FHIT: variants seen among roughly 807,000 people sequenced by gnomAD.
FHIT encodes bis(5'-adenosyl)-triphosphatase.
A neutral mutation model predicts 17.9 loss-of-function variants in FHIT; 19 were observed. The observed-to-expected ratio is 1.06, with a 90% CI of 0.74 to 1.56. The LOEUF (loss-of-function observed/expected upper bound fraction) is 1.56, where lower values mean the gene tolerates loss of function less well. FHIT is among the 40% of genes most tolerant of loss of function. FHIT has a pLI of 0.00. For synonymous variants in FHIT, 81 were observed against 69.7 expected, an observed-to-expected ratio of 1.16 and a Z score of -0.81; for missense variants, 248 against 189.2, an observed-to-expected ratio of 1.31 and a Z score of -1.82.
At chr3:60,050,453 T>C (rs1391045817) in intron 5 of FHIT, among the ~76,000 whole-genome samples, 1 of 152,188 alleles carries the variant, frequency 6.6e-6, no homozygotes, top group Non-Finnish European at 1.5e-5. Flanking sequence ...GAGCAGCAGA[T>C]GGTTGCCAAC....
intron 5 of FHIT, among the ~76,000 whole-genome samples, chr3:60,019,432 T>TTTTTTTTTTTTTTTTTTTTTTTC (rs1700469953): frequency 6.7e-6 from 1 of 149,458 alleles, no homozygotes; most frequent in Non-Finnish European, 1.5e-5. Flanking sequence ...TTTTTTTTTT[T>TTTTTTTTTTTTTTTTTTTTTTTC]CCTGAGATGG....
At chr3:60,565,164 G>T (rs565263379) in intron 4 of FHIT, among the ~76,000 whole-genome samples, 18 of 152,074 alleles carry the variant, frequency 1.2e-4, no homozygotes, top group Non-Finnish European at 2.4e-4. Context: ...TAATGATATT[G>T]CATACTTAAT....
intron 8 of FHIT, among the ~76,000 whole-genome samples, chr3:59,886,952 A>T (rs757035666): frequency 1.2e-4 from 18 of 152,160 alleles, no homozygotes; most frequent in Non-Finnish European, 2.1e-4. Flanking sequence ...GAACCAGACA[A>T]ATGTGGCCCC....
At chr3:60,676,863 TTTGTTGTTA>T (rs149136536) in intron 4 of FHIT, among the ~76,000 whole-genome samples, 8,266 of 152,108 alleles carry the variant, frequency 0.054, 304 homozygotes, top group African/African-American at 0.1. Context: ...AATTTTTTCT[TTTGTTGTTA>T]TTGTTGTTAT....
At chr3:60,089,778 C>T (rs935930264) in intron 5 of FHIT, among the ~76,000 whole-genome samples, 1 of 152,176 alleles carries the variant, frequency 6.6e-6, no homozygotes, top group African/African-American at 2.4e-5. Context: ...AAAATGGTAA[C>T]TTGTTGGCAG....
chr3:61,062,769 A>G (rs1431123753), intron 2 of FHIT, among the ~76,000 whole-genome samples: 3 of 152,172 alleles, frequency 2.0e-5, no homozygotes, highest in Non-Finnish European at 2.9e-5. Context: ...ATCTGATTCT[A>G]TCTCTTAAAG....
intron 5 of FHIT, among the ~76,000 whole-genome samples, chr3:60,362,761 G>C (rs1699954351): frequency 6.6e-6 from 1 of 152,136 alleles, no homozygotes; most frequent in Non-Finnish European, 1.5e-5. Context: ...ACGTGGATCA[G>C]ATTGCCTTCC....
At chr3:59,959,218 C>G (rs1707549690) in intron 7 of FHIT, among the ~76,000 whole-genome samples, 1 of 152,184 alleles carries the variant, frequency 6.6e-6, no homozygotes, top group Admixed American at 6.5e-5. Context: ...ACCACCAGAA[C>G]TACCAAATTT....
intron 5 of FHIT, among the ~76,000 whole-genome samples, chr3:60,271,260 A>G (rs1294247365): frequency 6.6e-6 from 1 of 151,698 alleles, no homozygotes; most frequent in Non-Finnish European, 1.5e-5. Context: ...AAAATTAGCC[A>G]GGCATGGTGG....
At chr3:60,779,185 C>A (rs2108091105) in intron 4 of FHIT, among the ~76,000 whole-genome samples, 1 of 152,312 alleles carries the variant, frequency 6.6e-6, no homozygotes, top group Admixed American at 6.5e-5. Flanking sequence ...AGCACTCAGT[C>A]CTACCATAAT....
intron 7 of FHIT, among the ~76,000 whole-genome samples, chr3:60,009,453 C>T (rs920955894): frequency 1.3e-5 from 2 of 151,966 alleles, no homozygotes; most frequent in Admixed American, 1.3e-4. Flanking sequence ...TATATAAGTA[C>T]TATATGTTAA....
chr3:60,646,774 G>A (rs1433741122), intron 4 of FHIT, among the ~76,000 whole-genome samples: 2 of 152,138 alleles, frequency 1.3e-5, no homozygotes, highest in African/African-American at 4.8e-5. Context: ...GGGGAAAAAA[G>A]CAAAACTGTA....
chr3:60,514,375 G>T (rs763771579), intron 5 of FHIT, among the ~76,000 whole-genome samples: 1 of 152,194 alleles, frequency 6.6e-6, no homozygotes, highest in African/African-American at 2.4e-5. Context: ...TCCCACACCC[G>T]TTTCCTTGCA....
chr3:60,529,240 T>C (rs550988679), intron 5 of FHIT, among the ~76,000 whole-genome samples: 1 of 152,284 alleles, frequency 6.6e-6, no homozygotes, highest in South Asian at 2.1e-4. Flanking sequence ...TTGCAATAAA[T>C]ATAAATTAAT....
At chr3:61,201,114 G>A (rs1251554432) in intron 1 of FHIT, among the ~76,000 whole-genome samples, 8 of 152,070 alleles carry the variant, frequency 5.3e-5, no homozygotes, top group Admixed American at 4.6e-4. Flanking sequence ...TGACATGCAT[G>A]GTCCTTCTAA....
chr3:60,690,478 T>C, intron 4 of FHIT: 1 of 569,530 alleles, frequency 1.8e-6, no homozygotes, highest in Non-Finnish European at 3.5e-6. Context: ...ATCAAATTTC[T>C]CCCTGTAGAT....
chr3:59,827,903 C>A (rs1701031444), intron 8 of FHIT, among the ~76,000 whole-genome samples: 1 of 152,182 alleles, frequency 6.6e-6, no homozygotes, highest in Non-Finnish European at 1.5e-5. Context: ...TAGTTGGAAT[C>A]CATCGTTCTC....
In FHIT at chr3:60,536,848, A is replaced by AG; in HGVS notation, c.103+11_103+12insC. On this transcript the variant is annotated intron_variant, in intron 5 of 9. Coordinates refer to ENST00000492590, the MANE Select transcript of FHIT (RefSeq NM_002012.4). Reference sequence around the variant, plus strand: ...TTTATTTTCCCTCTCCAAAAAAAAAAAGAAAGGATACGTCCTGGTACCACA... The same window carrying AG: ...TTTATTTTCCCTCTCCAAAAAAAAAAGAGAAAGGATACGTCCTGGTACCACA... 1 of 1,574,410 alleles carries AG rather than the reference A, an allele frequency of 6.4e-7. No individual in the cohort carries two copies. Among genetic ancestry groups the AG allele is most frequent in the Non-Finnish European group, 8.6e-7 (1 of 1,167,672 alleles).
intron 4 of FHIT, among the ~76,000 whole-genome samples, chr3:60,632,737 A>G (rs1024608092): frequency 6.6e-6 from 1 of 152,190 alleles, no homozygotes; most frequent in East Asian, 1.9e-4. Flanking sequence ...ACAAACCTTA[A>G]TGTAAATAAA....
Sources: allele counts gnomAD v4.1 joint callset (sites outside exome capture counted in the v4.1 genomes callset), GRCh38; gene constraint gnomAD v4.1.1; transcripts MANE v1.5; gene names NCBI Gene and HGNC (gene_info 2026-07-23, HGNC 2026-07-21).